The following AMBRA1 variants were observed in gnomAD, a reference collection of about 807,000 sequenced individuals.
The protein encoded by AMBRA1 is activating molecule in BECN1-regulated autophagy protein 1.
Under a neutral mutation model 125.4 loss-of-function variants are expected in AMBRA1, and 47 were observed. The observed-to-expected ratio is 0.37, with a 90% confidence interval of 0.30 to 0.48. The LOEUF is 0.48. AMBRA1 is among the 20% of genes least tolerant of loss of function. The probability of loss-of-function intolerance (pLI) is 0.99; values close to 1 mark genes in which losing one functional copy is unlikely to be tolerated. For synonymous variants in AMBRA1, 626 were observed against 655.5 expected (o/e 0.95, Z 0.69); for missense variants, 1,331 against 1,693.4 (o/e 0.79, Z 3.76).
At chr11:46,434,790 A>G in intron 13 of AMBRA1, 59 bp downstream of exon 13, 1 of 1,508,618 alleles carries the variant, frequency 6.6e-7, no homozygotes, top group South Asian at 1.3e-5. Flanking sequence ...TCACCTAGCA[A>G]TGACCATGCC....
At chr11:46,480,067 A>G (rs1284203621) in intron 11 of AMBRA1, among the ~76,000 whole-genome samples, 1 of 152,170 alleles carries the variant, frequency 6.6e-6, no homozygotes, top group African/African-American at 2.4e-5. Context: ...AGCAGAGGCC[A>G]TTCCCATCTT....
At chr11:46,420,096 G>T (rs1399187273) in intron 14 of AMBRA1, among the ~76,000 whole-genome samples, 1 of 151,478 alleles carries the variant, frequency 6.6e-6, no homozygotes, top group South Asian at 2.1e-4. Flanking sequence ...CCTAGCTATG[G>T]TCCTGAGGTC....
At chr11:46,576,679 C>T (rs191409357) in intron 1 of AMBRA1, among the ~76,000 whole-genome samples, 3 of 152,320 alleles carry the variant, frequency 2.0e-5, no homozygotes, top group East Asian at 3.9e-4. Context: ...CCCTCTTGTC[C>T]TGTCCTCTAT....
rs200804417 is a variant in AMBRA1, at chr11:46,408,592, G to A, written c.3324C>T (p.Ala1108=). Residue 1108 remains alanine (A), a synonymous_variant, in exon 17 of 18, where the codon GCC becomes GCT. Coordinates refer to ENST00000683756, the MANE Select transcript of AMBRA1 (RefSeq NM_001387011.1). ...GTGTTTCGGCATTCTGCAGCTGAAGGGCCAGAGTCTGGGTGCCCTGAGATG... is the reference window on the plus strand; with the variant it reads ...GTGTTTCGGCATTCTGCAGCTGAAGAGCCAGAGTCTGGGTGCCCTGAGATG... The part of the protein sequence containing the change: ...SVTSQGTQTL[A]LQLQNAETQT... The A allele has an allele frequency of 2.1e-5, 33 of 1,608,966 alleles. No individual in the cohort carries two copies. In the East Asian group the frequency reaches 5.4e-4, roughly 26 times the overall value.
intron 11 of AMBRA1, among the ~76,000 whole-genome samples, chr11:46,493,236 C>T (rs1950525654): frequency 6.6e-6 from 1 of 152,144 alleles, no homozygotes; most frequent in Admixed American, 6.5e-5. Flanking sequence ...GTGCACTAAG[C>T]TCCTAATTAA....
chr11:46,551,429 C>T (rs1354046989), intron 1 of AMBRA1, among the ~76,000 whole-genome samples: 1 of 152,166 alleles, frequency 6.6e-6, no homozygotes, highest in Admixed American at 6.5e-5. Flanking sequence ...CCTCCTGCCT[C>T]AGCCTCCAGA....
chr11:46,402,313 G>A (rs565809586), intron 17 of AMBRA1, among the ~76,000 whole-genome samples: 1 of 152,322 alleles, frequency 6.6e-6, no homozygotes, highest in South Asian at 2.1e-4. Flanking sequence ...CAGACTTAAG[G>A]ATGCTTGGAA....
chr11:46,578,304 T>C (rs1474879865), intron 1 of AMBRA1, among the ~76,000 whole-genome samples: 1 of 151,544 alleles, frequency 6.6e-6, no homozygotes, highest in African/African-American at 2.4e-5. Context: ...TGGGTCAACA[T>C]GGAGAAACCC....
intron 7 of AMBRA1, among the ~76,000 whole-genome samples, chr11:46,530,168 C>T (rs1952151441): frequency 6.6e-6 from 1 of 152,050 alleles, no homozygotes. Context: ...GAAATTACTC[C>T]CAACGTATTT....
At chr11:46,513,796 T>A (rs940615791) in intron 7 of AMBRA1, among the ~76,000 whole-genome samples, 1 of 152,168 alleles carries the variant, frequency 6.6e-6, no homozygotes, top group African/African-American at 2.4e-5. Context: ...ATAGGCTCAG[T>A]ATTGCTGGCT....
chr11:46,456,140 A>G (rs1948833978), intron 11 of AMBRA1, among the ~76,000 whole-genome samples: 1 of 152,216 alleles, frequency 6.6e-6, no homozygotes, highest in African/African-American at 2.4e-5. Context: ...GACAAAAACA[A>G]ATAAGCTCAC....
rs1315322244 is a variant in AMBRA1 at position 46,397,718 on chromosome 11, G to A, written c.3629C>T (p.Thr1210Ile). The part of the protein sequence containing the change: ...AAHTSSPQPS[T>I]SRGLLPEAGQ... ...GGCCTCTGGGAGCAGTCCCCGAGAG[G>A]TGGAGGGCTGGGGTGAGGAGGTGTG... is the stretch of plus-strand genomic sequence containing the variant. The change falls in exon 18 of 18, where the codon ACC becomes ATC. Residue 1210 changes from threonine (T) to isoleucine (I), a missense_variant. Thr to Ile is a moderately conservative substitution (Grantham distance 89, BLOSUM62 -1). Coordinates refer to ENST00000683756, the MANE Select transcript of AMBRA1 (RefSeq NM_001387011.1). 6 of 1,613,144 alleles carry A rather than the reference G, an allele frequency of 3.7e-6. No individual in the cohort carries two copies. In the African/African-American group the frequency reaches 4.0e-5, roughly 11 times the overall value.
intron 11 of AMBRA1, among the ~76,000 whole-genome samples, chr11:46,448,513 G>A (rs550754313): frequency 8.6e-4 from 131 of 152,166 alleles, no homozygotes; most frequent in Non-Finnish European, 1.1e-3. Flanking sequence ...AAGAAAAGAC[G>A]AAAGATCTAA....
chr11:46,528,977 G>A lies in AMBRA1; in HGVS notation c.2072+12968C>T, dbSNP rs557102062. ...ACCCTCTGATGCAGCAAAGGAAAAG[G>A]GCACAATGTTAACAAGCTGCAATTC... On this transcript the variant is annotated intron_variant, in intron 7 of 17. Transcript: ENST00000683756. Among the ~76,000 whole-genome samples, 24 of 152,212 alleles carry A rather than the reference G, an allele frequency of 1.6e-4. 1 individual carries two copies. The South Asian group carries it at 5.0e-3, about 32-fold the overall frequency.
chr11:46,548,556 T>C (rs930490401), intron 1 of AMBRA1, 56 bp from the exon 2 acceptor site: 27 of 675,134 alleles, frequency 4.0e-5, no homozygotes, highest in African/African-American at 7.2e-5. Context: ...AAGCTTCTAA[T>C]TGCAAATACA....
intron 11 of AMBRA1, among the ~76,000 whole-genome samples, chr11:46,444,609 T>C (rs1341173651): frequency 6.6e-6 from 1 of 152,176 alleles, no homozygotes; most frequent in Admixed American, 6.5e-5. Flanking sequence ...AAAACTGAAC[T>C]TGTTAGAGTT....
At chr11:46,515,158 G>A (rs1233229322) in intron 7 of AMBRA1, among the ~76,000 whole-genome samples, 1 of 152,170 alleles carries the variant, frequency 6.6e-6, no homozygotes, top group Non-Finnish European at 1.5e-5. Context: ...TTGGCAAGCA[G>A]CATCCTCCAC....
chr11:46,445,843 T>C (rs549397085), intron 11 of AMBRA1, among the ~76,000 whole-genome samples: 25 of 152,306 alleles, frequency 1.6e-4, no homozygotes, highest in Non-Finnish European at 2.8e-4. Flanking sequence ...AAAATGCTAG[T>C]TGCTAAGAGA....
At chr11:46,586,376 C>T (rs2135335069) in intron 1 of AMBRA1, among the ~76,000 whole-genome samples, 1 of 152,106 alleles carries the variant, frequency 6.6e-6, no homozygotes, top group East Asian at 1.9e-4. Context: ...GCCACCGCAC[C>T]AGAGCAAGAC....
Sources: allele counts gnomAD v4.1 joint callset (sites outside exome capture counted in the v4.1 genomes callset), GRCh38; gene constraint gnomAD v4.1.1; transcripts MANE v1.5; gene names NCBI Gene and HGNC (gene_info 2026-07-23, HGNC 2026-07-21).